The following ADAM17 variants were observed in gnomAD, a reference collection of about 807,000 sequenced individuals.
ADAM17 encodes the protein ADAM metallopeptidase domain 17, also known as disintegrin and metalloproteinase domain-containing protein 17.
A neutral mutation model predicts 96.7 loss-of-function variants in ADAM17; 39 were observed. The observed-to-expected ratio is 0.40, with a 90% CI of 0.31 to 0.53. ADAM17 has a LOEUF of 0.53. ADAM17 is among the 20% of genes least tolerant of loss of function. The pLI, the probability that ADAM17 is intolerant of heterozygous loss-of-function variation, is 0.44. For synonymous variants in ADAM17, 344 were observed against 359.2 expected (o/e 0.96, Z 0.48); for missense variants, 777 against 1,013.2 (o/e 0.77, Z 3.17).
intron 1 of ADAM17, among the ~76,000 whole-genome samples, chr2:9,551,265 C>T (rs56037103): frequency 0.18 from 27,305 of 150,984 alleles, 2,592 homozygotes; most frequent in Middle Eastern, 0.29. Context: ...AGGGGGGGAA[C>T]GGAGAGATGC....
At position 9,494,230 on chromosome 2, in the gene ADAM17, G is replaced by A. The variant is rs573133510; in HGVS notation, c.1915-405C>T. 1.6e-4 allele frequency among the ~76,000 whole-genome samples: 24 copies of A among 152,230 alleles called. No individual in the cohort carries two copies. The East Asian group carries it at 4.2e-3, about 27-fold the overall frequency. On this transcript the variant is annotated intron_variant, in intron 15 of 18. Transcript: ENST00000310823. ...ATTATGCTTCTCTAGAGAACAAAAG[G>A]GTCTGGCTTAAGTAAGTCAAGCAGC...
intron 13 of ADAM17, among the ~76,000 whole-genome samples, chr2:9,499,514 G>A (rs968610075): frequency 2.0e-5 from 3 of 151,990 alleles, no homozygotes; most frequent in Non-Finnish European, 4.4e-5. Flanking sequence ...CCATTCTCCT[G>A]CCTCAGCCTC....
At chr2:9,502,420 C>A (rs775222500) in intron 12 of ADAM17, 144 bp from the exon 13 acceptor site, 8 of 669,820 alleles carry the variant, frequency 1.2e-5, no homozygotes, top group Admixed American at 7.9e-5. Context: ...CATCAGACAT[C>A]TCCGCTGCTA....
chr2:9,546,682 ACT>A (rs1572960783), intron 1 of ADAM17, among the ~76,000 whole-genome samples: 2 of 150,868 alleles, frequency 1.3e-5, no homozygotes, highest in East Asian at 3.9e-4. Context: ...ACACTGCCGC[ACT>A]GTCTATCTCA....
intron 10 of ADAM17, among the ~76,000 whole-genome samples, chr2:9,516,049 A>T (rs1215574672): frequency 6.6e-6 from 1 of 152,178 alleles, no homozygotes; most frequent in African/African-American, 2.4e-5. Context: ...GACTACAGGC[A>T]TGTACCCCTA....
At position 9,489,395 on chromosome 2, in the gene ADAM17, T is replaced by G. The variant is rs563908266; in HGVS notation, c.*782A>C. 6.6e-6 allele frequency: 1 copy of G among 150,922 alleles called. No homozygotes were observed. Among genetic ancestry groups the G allele is most frequent in the Non-Finnish European group, 1.5e-5 (1 of 67,846 alleles). The allele number at this position is 150,922 out of a possible 1,614,324, so 9.3% of individuals were successfully genotyped here. A position where few individuals can be genotyped will look rare whatever the true frequency, so the allele number is the denominator to read the frequency against. ...ACCACTCCCAGCCAATAGTGAATTT[T>G]CTAAGAGCATGTATCCCTATCAGTA... On this transcript the variant is annotated 3_prime_UTR_variant, in exon 19 of 19. Transcript: ENST00000310823.
intron 1 of ADAM17, among the ~76,000 whole-genome samples, chr2:9,551,093 T>TA (rs1488858010): frequency 6.6e-6 from 1 of 150,604 alleles, no homozygotes; most frequent in Non-Finnish European, 1.5e-5. Flanking sequence ...AAAAGGTAAC[T>TA]AATTTTGGAC....
At chr2:9,546,414 T>G (rs1377052411) in intron 1 of ADAM17, among the ~76,000 whole-genome samples, 1 of 152,222 alleles carries the variant, frequency 6.6e-6, no homozygotes, top group Non-Finnish European at 1.5e-5. Context: ...GTTCTTCCTT[T>G]GGAGCCAAAC....
chr2:9,552,892 T>C (rs1038057434), intron 1 of ADAM17, among the ~76,000 whole-genome samples: 1 of 150,992 alleles, frequency 6.6e-6, no homozygotes, highest in African/African-American at 2.5e-5. Flanking sequence ...CAGAAAAATG[T>C]TGTCATATGC....
intron 16 of ADAM17, among the ~76,000 whole-genome samples, chr2:9,493,402 A>C (rs75459503): frequency 6.6e-6 from 1 of 152,158 alleles, no homozygotes; most frequent in Non-Finnish European, 1.5e-5. Context: ...AGCAGGATTC[A>C]GTATATAGCA....
intron 10 of ADAM17, among the ~76,000 whole-genome samples, chr2:9,511,841 G>C (rs1460821891): frequency 6.6e-6 from 1 of 151,462 alleles, no homozygotes; most frequent in Non-Finnish European, 1.5e-5. Flanking sequence ...CATTGTGGTG[G>C]GCGCCTGTAA....
intron 12 of ADAM17, among the ~76,000 whole-genome samples, chr2:9,504,402 G>A (rs967133381): frequency 6.6e-6 from 1 of 151,948 alleles, no homozygotes. Flanking sequence ...CTGAGATCGC[G>A]CCACTGCACT....
At chr2:9,490,971 C>G in intron 18 of ADAM17, 130 bp downstream of exon 18, 1 of 788,166 alleles carries the variant, frequency 1.3e-6, no homozygotes, top group South Asian at 1.8e-5. Context: ...ACATTCCAAC[C>G]TAGACCCTTC....
At chr2:9,550,442 T>TA (rs1322310915) in intron 1 of ADAM17, among the ~76,000 whole-genome samples, 1 of 87,508 alleles carries the variant, frequency 1.1e-5, no homozygotes. Context: ...ACTCATTCTT[T>TA]TTTTTTTTTT....
chr2:9,519,820 G>A, intron 8 of ADAM17, among the ~76,000 whole-genome samples: 1 of 152,184 alleles, frequency 6.6e-6, no homozygotes, highest in East Asian at 1.9e-4. Flanking sequence ...CTGACCCCTT[G>A]ATTTTGGACT....
intron 4 of ADAM17, 38 bp downstream of exon 4, chr2:9,535,796 A>T (rs760803664): frequency 4.5e-6 from 6 of 1,335,750 alleles, no homozygotes; most frequent in Non-Finnish European, 5.3e-6. Context: ...AAAATCAGAG[A>T]TATAAGCTAC....
intron 6 of ADAM17, among the ~76,000 whole-genome samples, chr2:9,524,025 A>G (rs1419852953): frequency 6.8e-6 from 1 of 146,664 alleles, no homozygotes; most frequent in African/African-American, 2.6e-5. Context: ...ACAGGCACAC[A>G]CCACCATGCC....
rs1464210037 is a variant in ADAM17 at position 9,523,155 on chromosome 2, ATTG to A, written c.843+91_843+93del. 2.2e-5 allele frequency: 20 copies of A among 891,688 alleles called. 1 individual carries two copies. The South Asian group carries it at 3.1e-4, about 14-fold the overall frequency. The allele number at this position is 891,688 out of a possible 1,614,324, so 55.2% of individuals were successfully genotyped here. A position where few individuals can be genotyped will look rare whatever the true frequency, so the allele number is the denominator to read the frequency against. ...CATCTGAGAAAACTTATTTACAATT[ATTG>A]TTAAGGACAAGTTTTTAGGTTTTGA... is the stretch of plus-strand genomic sequence containing the variant. On this transcript the variant is annotated intron_variant, in intron 7 of 18. Transcript: ENST00000310823.
chr2:9,533,980 A>G (rs1664854686), intron 4 of ADAM17, among the ~76,000 whole-genome samples: 1 of 152,196 alleles, frequency 6.6e-6, no homozygotes, highest in Non-Finnish European at 1.5e-5. Flanking sequence ...TTCCCAGACT[A>G]TTACCTATCA....
Sources: gnomAD v4.1 joint callset for allele counts (sites outside exome capture counted in the v4.1 genomes callset) on GRCh38, gnomAD v4.1.1 for gene constraint, MANE v1.5 for transcripts, NCBI Gene and HGNC (gene_info 2026-07-23, HGNC 2026-07-21) for gene names.